The following SERTM1 variants were observed in gnomAD, a reference collection of about 807,000 sequenced individuals.
SERTM1 encodes the protein serine-rich and transmembrane domain-containing protein 1.
Under a neutral mutation model 5.5 loss-of-function variants are expected in SERTM1, and 1 was observed. The observed-to-expected ratio is 0.18, with a 90% confidence interval of 0.06 to 0.86. The LOEUF (loss-of-function observed/expected upper bound fraction) is 0.86. Ranked by LOEUF, SERTM1 falls within the 40% of genes least tolerant of loss-of-function variation. The pLI, the probability that SERTM1 is intolerant of heterozygous loss-of-function variation, is 0.69. For synonymous variants in SERTM1, 52 were observed against 55.1 expected (o/e 0.94, Z 0.25); for missense variants, 91 against 122.4 (o/e 0.74, Z 1.21).
At chr13:36,690,817 A>G (rs2056773158) in intron 1 of SERTM1, among the ~76,000 whole-genome samples, 1 of 152,182 alleles carries the variant, frequency 6.6e-6, no homozygotes, top group Non-Finnish European at 1.5e-5. Context: ...TGTTGTGTTA[A>G]TACTTTGTGG....
At chr13:36,674,518 G>GGGGGTGGC (rs537513493) in intron 1 of SERTM1, among the ~76,000 whole-genome samples, 2 of 152,132 alleles carry the variant, frequency 1.3e-5, no homozygotes, top group African/African-American at 2.4e-5. Context: ...CAGACACTGG[G>GGGGGTGGC]AACCGGGAAG....
intron 1 of SERTM1, among the ~76,000 whole-genome samples, chr13:36,678,982 C>T (rs2056686912): frequency 2.0e-5 from 3 of 152,028 alleles, no homozygotes; most frequent in Admixed American, 2.0e-4. Context: ...CTCACTGTGA[C>T]CCATTCTTCC....
At chr13:36,693,878 TTATC>T (rs150012706) in intron 1 of SERTM1, among the ~76,000 whole-genome samples, 2,082 of 152,228 alleles carry the variant, frequency 0.014, 53 homozygotes, top group African/African-American at 0.048. Flanking sequence ...GAAGAAAGAC[TTATC>T]TATCAGGAGG....
chr13:36,687,393 T>C (rs17054332), intron 1 of SERTM1, among the ~76,000 whole-genome samples: 11,893 of 152,238 alleles, frequency 0.078, 575 homozygotes, highest in East Asian at 0.13. Flanking sequence ...TAGTGACCTG[T>C]GTAATTATTT....
intron 1 of SERTM1, among the ~76,000 whole-genome samples, chr13:36,679,401 G>GT (rs984993900): frequency 6.6e-6 from 1 of 151,944 alleles, no homozygotes; most frequent in African/African-American, 2.4e-5. Context: ...GTTTTGTTTT[G>GT]TTTTTGTTTG....
chr13:36,680,703 TG>T (rs1256062912), intron 1 of SERTM1, among the ~76,000 whole-genome samples: 1 of 152,184 alleles, frequency 6.6e-6, no homozygotes, highest in African/African-American at 2.4e-5. Flanking sequence ...GCTGCTTGTG[TG>T]GTTTTTAGTT....
intron 1 of SERTM1, among the ~76,000 whole-genome samples, chr13:36,682,917 A>C (rs981356832): frequency 1.2e-4 from 18 of 152,226 alleles, no homozygotes; most frequent in African/African-American, 3.4e-4. Context: ...ATTTGTTGAG[A>C]TGGAGTCTCA....
chr13:36,691,390 T>G (rs1354528779), intron 1 of SERTM1, among the ~76,000 whole-genome samples: 1 of 152,176 alleles, frequency 6.6e-6, no homozygotes. Context: ...GTTGTCTCTC[T>G]GTTTCCCCAC....
chr13:36,683,817 G>C (rs577425490), intron 1 of SERTM1, among the ~76,000 whole-genome samples: 1 of 152,160 alleles, frequency 6.6e-6, no homozygotes, highest in Non-Finnish European at 1.5e-5. Context: ...ACAGGCCTAC[G>C]AGAAGGGACA....
intron 1 of SERTM1, among the ~76,000 whole-genome samples, chr13:36,684,905 G>A (rs1040074661): frequency 2.0e-5 from 3 of 152,144 alleles, no homozygotes; most frequent in African/African-American, 7.2e-5. Flanking sequence ...TTAAAAGAAT[G>A]TGTAACTATC....
At chr13:36,675,908 T>C (rs2056666903) in intron 1 of SERTM1, among the ~76,000 whole-genome samples, 1 of 152,188 alleles carries the variant, frequency 6.6e-6, no homozygotes, top group Non-Finnish European at 1.5e-5. Flanking sequence ...GGCTTATTAT[T>C]TTTGATTCCT....
At chr13:36,694,873 T>A in intron 1 of SERTM1, 33 bp from the exon 2 acceptor site, 1 of 537,584 alleles carries the variant, frequency 1.9e-6, no homozygotes, top group East Asian at 3.0e-5. Context: ...GTGATTTTTC[T>A]GAAGAATGCA....
At chr13:36,680,108 C>T (rs929777797) in intron 1 of SERTM1, among the ~76,000 whole-genome samples, 1 of 152,096 alleles carries the variant, frequency 6.6e-6, no homozygotes, top group African/African-American at 2.4e-5. Flanking sequence ...AACACTGATT[C>T]CAGAGCATTT....
intron 1 of SERTM1, among the ~76,000 whole-genome samples, chr13:36,688,658 G>C (rs2056757830): frequency 6.6e-6 from 1 of 152,212 alleles, no homozygotes; most frequent in African/African-American, 2.4e-5. Flanking sequence ...GAAATGATCA[G>C]AGCAGGATGG....
rs559329123 is a variant in SERTM1 at position 36,682,050 on chromosome 13, A to G, written c.-174+7866A>G. On this transcript the variant is annotated intron_variant, in intron 1 of 1. Transcript: ENST00000315190. ...ATTGAAACACTTCTAAAATTTAGAG[A>G]GCATTCATCATCATTATTCTTTACT... Among the ~76,000 whole-genome samples the G allele has an allele frequency of 3.3e-5, 5 of 152,350 alleles. No homozygotes were observed. In the South Asian group the frequency reaches 1.0e-3, roughly 32 times the overall value.
At chr13:36,694,771 G>C (rs1265839668) in intron 1 of SERTM1, 135 bp from the exon 2 acceptor site, 6 of 357,130 alleles carry the variant, frequency 1.7e-5, no homozygotes, top group Non-Finnish European at 3.0e-5. Context: ...AAACATGACT[G>C]ATTCCTAGGG....
At position 36,695,001 on chromosome 13, in the gene SERTM1, A is replaced by G. The variant is rs1178017018; in HGVS notation, c.-78A>G. The G allele has an allele frequency of 9.7e-7, 1 of 1,029,858 alleles. No individual in the cohort carries two copies. Among genetic ancestry groups the G allele is most frequent in the African/African-American group, 1.6e-5 (1 of 61,950 alleles). The allele number at this position is 1,029,858 out of a possible 1,614,324, so 63.8% of individuals were successfully genotyped here. A position where few individuals can be genotyped will look rare whatever the true frequency, so the allele number is the denominator to read the frequency against. ...ATTCTGCAAACACGATCGTGAAAAA[A>G]TGCCAATCTGTCCTGTGTAAGCCCT... On this transcript the variant is annotated 5_prime_UTR_variant, in exon 2 of 2. An upstream start codon of the reference 5' UTR is lost. Coordinates refer to ENST00000315190, the MANE Select transcript of SERTM1 (RefSeq NM_203451.3).
chr13:36,694,828 C>A, intron 1 of SERTM1, 78 bp from the exon 2 acceptor site: 1 of 502,222 alleles, frequency 2.0e-6, no homozygotes, highest in South Asian at 3.0e-5. Flanking sequence ...CTAACTAATC[C>A]TTACTGAAAT....
Position 36,695,144 on chromosome 13 carries a change from G to A in SERTM1, c.66G>A (p.Leu22=). The A allele has an allele frequency of 6.2e-7, 1 of 1,614,220 alleles. No homozygotes were observed. Among genetic ancestry groups the A allele is most frequent in the Non-Finnish European group, 8.5e-7 (1 of 1,180,020 alleles). The part of the protein sequence containing the change: ...GSVENGTFLE[L]FPTSLSTSVD... ...TGGAGAATGGAACTTTTCTTGAGCT[G>A]TTTCCCACATCCCTGTCCACGTCAG... Residue 22 remains leucine (L), a synonymous_variant, in exon 2 of 2, where the codon CTG becomes CTA. Transcript: ENST00000315190.
Sources: allele counts gnomAD v4.1 joint callset (sites outside exome capture counted in the v4.1 genomes callset), GRCh38; gene constraint gnomAD v4.1.1; transcripts MANE v1.5; gene names NCBI Gene and HGNC (gene_info 2026-07-23, HGNC 2026-07-21).